Variants in LOC128706665 observed in about 807,000 individuals in gnomAD.
the LOC128706665 span, among the ~76,000 whole-genome samples, chr20:10,426,428 G>A: frequency 6.6e-6 from 1 of 152,122 alleles, no homozygotes; most frequent in African/African-American, 2.4e-5. Flanking sequence ...CTTTTTTTGG[G>A]ACAGTCTCAC....
the LOC128706665 span, among the ~76,000 whole-genome samples, chr20:10,421,031 T>C: frequency 9.9e-5 from 15 of 152,234 alleles, no homozygotes; most frequent in African/African-American, 1.4e-4. Context: ...GGAAAAGCTA[T>C]ATGAATCTTT....
chr20:10,434,159 A>T, the LOC128706665 span: 1 of 151,686 alleles, frequency 6.6e-6, no homozygotes, highest in African/African-American at 2.4e-5. Flanking sequence ...GAGGCCCCAG[A>T]AACAGATCTC....
the LOC128706665 span, among the ~76,000 whole-genome samples, chr20:10,426,711 C>CT: frequency 6.6e-6 from 1 of 152,172 alleles, no homozygotes; most frequent in Non-Finnish European, 1.5e-5. Flanking sequence ...ATGTCCTTGG[C>CT]TGATTTTCAT....
the LOC128706665 span, among the ~76,000 whole-genome samples, chr20:10,427,088 G>A: frequency 1.3e-4 from 13 of 102,226 alleles, no homozygotes; most frequent in Admixed American, 3.8e-4. Context: ...ACAAAGTAAG[G>A]TTAAGGGCAA....
At chr20:10,430,115 G>A in the LOC128706665 span, among the ~76,000 whole-genome samples, 1 of 152,346 alleles carries the variant, frequency 6.6e-6, no homozygotes. Context: ...TTTGACTAGA[G>A]TGAAATCTAA....
At chr20:10,432,970 C>T in the LOC128706665 span, among the ~76,000 whole-genome samples, 6 of 152,150 alleles carry the variant, frequency 3.9e-5, no homozygotes, top group Non-Finnish European at 7.4e-5. Context: ...TGCACGTGTT[C>T]AGTACAGATG....
At chr20:10,426,691 G>T in the LOC128706665 span, among the ~76,000 whole-genome samples, 1 of 152,162 alleles carries the variant, frequency 6.6e-6, no homozygotes, top group Non-Finnish European at 1.5e-5. Context: ...AGCCATGCAC[G>T]CCCCGTGGCA....
At chr20:10,432,157 G>GT in the LOC128706665 span, among the ~76,000 whole-genome samples, 3 of 152,170 alleles carry the variant, frequency 2.0e-5, no homozygotes, top group Non-Finnish European at 4.4e-5. Context: ...TCAATCAAGG[G>GT]GTATAAAAGC....
chr20:10,419,507 T>C, the LOC128706665 span, among the ~76,000 whole-genome samples: 2 of 152,202 alleles, frequency 1.3e-5, no homozygotes, highest in Non-Finnish European at 2.9e-5. Context: ...ATGAGGGATA[T>C]GTTCCAAGAC....
the LOC128706665 span, among the ~76,000 whole-genome samples, chr20:10,430,548 G>A: frequency 5.3e-5 from 8 of 152,284 alleles, no homozygotes; most frequent in East Asian, 1.5e-3. Context: ...CCCAAACTAA[G>A]GGAAGTGGTC....
chr20:10,430,015 T>C, the LOC128706665 span, among the ~76,000 whole-genome samples: 34 of 149,242 alleles, frequency 2.3e-4, no homozygotes, highest in Non-Finnish European at 4.0e-4. Flanking sequence ...ACTTTTAATA[T>C]AGCCATCTTG....
At chr20:10,420,940 G>C in the LOC128706665 span, among the ~76,000 whole-genome samples, 1 of 152,200 alleles carries the variant, frequency 6.6e-6, no homozygotes, top group Non-Finnish European at 1.5e-5. Flanking sequence ...GACCCAAAGG[G>C]AGCAGGCAGT....
chr20:10,413,773 AT>A, the LOC128706665 span: 2 of 585,752 alleles, frequency 3.4e-6, no homozygotes, highest in East Asian at 5.6e-5. Context: ...TGAGACTGAA[AT>A]TTTACAGACT....
At chr20:10,417,025 G>A in the LOC128706665 span, among the ~76,000 whole-genome samples, 2 of 152,034 alleles carry the variant, frequency 1.3e-5, no homozygotes, top group Non-Finnish European at 1.5e-5. Flanking sequence ...ATAATGAATA[G>A]TCGCTAATAA....
chr20:10,433,258 G>A, the LOC128706665 span, among the ~76,000 whole-genome samples: 34 of 152,234 alleles, frequency 2.2e-4, no homozygotes, highest in Non-Finnish European at 4.3e-4. Context: ...GCCCGCCTCG[G>A]GCTCCTAAAG....
chr20:10,422,138 T>C, the LOC128706665 span, among the ~76,000 whole-genome samples: 1 of 152,176 alleles, frequency 6.6e-6, no homozygotes, highest in Non-Finnish European at 1.5e-5. Context: ...TAAAAGATGT[T>C]ATCTTATAGC....
At chr20:10,432,789 C>CAAAA in the LOC128706665 span, among the ~76,000 whole-genome samples, 1,181 of 74,564 alleles carry the variant, frequency 0.016, 141 homozygotes, top group South Asian at 0.05. Flanking sequence ...GACTCTTTGT[C>CAAAA]AAAAAAAAAA....
the LOC128706665 span, among the ~76,000 whole-genome samples, chr20:10,427,021 A>ACAC: frequency 0.057 from 6,502 of 114,534 alleles, 226 homozygotes; most frequent in Admixed American, 0.086. Flanking sequence ...CCAAGAAAAG[A>ACAC]AAACACTGAC....
At chr20:10,422,856 T>C in the LOC128706665 span, among the ~76,000 whole-genome samples, 1 of 151,598 alleles carries the variant, frequency 6.6e-6, no homozygotes, top group Admixed American at 6.6e-5. Flanking sequence ...GGACTACAGG[T>C]GCCCGCCACC....
Sources: allele counts gnomAD v4.1 joint callset (sites outside exome capture counted in the v4.1 genomes callset), GRCh38; gene constraint gnomAD v4.1.1; transcripts MANE v1.5.